Variants in SMG5 observed in about 807,000 individuals in gnomAD.
The protein encoded by SMG5 is SMG5 nonsense mediated mRNA decay factor, also known as nonsense-mediated mRNA decay factor SMG5.
Under a neutral mutation model 122.9 loss-of-function variants are expected in SMG5, and 53 were observed. That is an observed-to-expected ratio of 0.43 (90% CI 0.35 to 0.54). The LOEUF (loss-of-function observed/expected upper bound fraction) is 0.54. Ranked by LOEUF, SMG5 falls within the 20% of genes least tolerant of loss-of-function variation. The probability of loss-of-function intolerance (pLI) is 0.01; values close to 1 mark genes in which losing one functional copy is unlikely to be tolerated. For synonymous variants in SMG5, 477 were observed against 490.2 expected, an observed-to-expected ratio of 0.97 and a Z score of 0.35; for missense variants, 1,153 against 1,285.6, an observed-to-expected ratio of 0.90 and a Z score of 1.58.
Position 156,282,751 on chromosome 1 carries a change from C to T in SMG5, c.-71G>A. Reference sequence around the variant, plus strand: ...CCACCACTACCGCCAACACTGCCGTCTCCGGCCGTAGCCGCAGCCGCCGCC... The same window carrying T: ...CCACCACTACCGCCAACACTGCCGTTTCCGGCCGTAGCCGCAGCCGCCGCC... On this transcript the variant is annotated 5_prime_UTR_variant, in exon 1 of 22. Coordinates refer to ENST00000361813, the MANE Select transcript of SMG5 (RefSeq NM_015327.3). The T allele has an allele frequency of 1.4e-6, 2 of 1,480,580 alleles. No homozygotes were observed. Among genetic ancestry groups the T allele is most frequent in the Non-Finnish European group, 1.8e-6 (2 of 1,106,932 alleles). 91.7% of individuals were successfully genotyped at this position (1,480,580 alleles called of 1,614,324 possible).
the SMG5 span, chr1:156,291,349 C>A: frequency 1.2e-6 from 2 of 1,602,602 alleles, no homozygotes; most frequent in Non-Finnish European, 1.7e-6. Flanking sequence ...ACGCGCTTCC[C>A]TCGAGAGTAG....
Position 156,252,500 on chromosome 1 carries a change from G to A in SMG5, c.2667C>T (p.Ile889=), listed in dbSNP as rs1466829581. 7 of 1,613,946 alleles carry A rather than the reference G, an allele frequency of 4.3e-6. No individual in the cohort carries two copies. Among genetic ancestry groups the A allele is most frequent in the Non-Finnish European group, 5.9e-6 (7 of 1,179,982 alleles). Residue 889 remains isoleucine, a synonymous_variant, in exon 19 of 22, where the codon ATC becomes ATT. Transcript: ENST00000361813. ...CCTTCTTCAGCAAATCCAGGCCATCGATCACTGGTGGGCAAGGTAGGGAAA... is the reference window on the plus strand; with the variant it reads ...CCTTCTTCAGCAAATCCAGGCCATCAATCACTGGTGGGCAAGGTAGGGAAA... ...RFIVIIPRTV[I]DGLDLLKKEH...
rs1021760107 is a variant in SMG5, at chr1:156,282,776, C to T, written c.-96G>A. On this transcript the variant is annotated 5_prime_UTR_variant, in exon 1 of 22. Coordinates refer to ENST00000361813, the MANE Select transcript of SMG5 (RefSeq NM_015327.3). ...CTCCGGCCGTAGCCGCAGCCGCCGCCGCCACCGGCCCTGCTCGGCCGCCAT... is the reference window on the plus strand; with the variant it reads ...CTCCGGCCGTAGCCGCAGCCGCCGCTGCCACCGGCCCTGCTCGGCCGCCAT... 3.6e-5 allele frequency: 48 copies of T among 1,341,714 alleles called. No homozygotes were observed. The African/African-American group carries it at 6.5e-4, about 18-fold the overall frequency. 83.1% of individuals were successfully genotyped at this position (1,341,714 alleles called of 1,614,324 possible). A position where few individuals can be genotyped will look rare whatever the true frequency, so the allele number is the denominator to read the frequency against.
chr1:156,273,713 GTTTTCT>G (rs1377795286), intron 5 of SMG5, among the ~76,000 whole-genome samples: 2 of 126,716 alleles, frequency 1.6e-5, no homozygotes, highest in African/African-American at 5.6e-5. Context: ...TTTTTGTTTT[GTTTTCT>G]TTTTTTTTTT....
chr1:156,285,608 G>A (rs747262051), upstream of SMG5: 1 of 1,614,218 alleles, frequency 6.2e-7, no homozygotes, highest in Non-Finnish European at 8.5e-7. Context: ...AGCGGCCCGT[G>A]CCTTCGTGCC....
chr1:156,272,843 C>A (rs988744322), intron 6 of SMG5, among the ~76,000 whole-genome samples: 2 of 152,054 alleles, frequency 1.3e-5, no homozygotes, highest in African/African-American at 4.8e-5. Context: ...GGATTACAAA[C>A]GTTGAGCCAC....
chr1:156,288,032 G>A, the SMG5 span, among the ~76,000 whole-genome samples: 2 of 151,786 alleles, frequency 1.3e-5, no homozygotes, highest in South Asian at 4.2e-4. Flanking sequence ...GGCTAACACG[G>A]TGAAACCCCG....
upstream of SMG5, chr1:156,286,499 T>C (rs770369993): frequency 6.2e-6 from 10 of 1,608,966 alleles, no homozygotes; most frequent in Non-Finnish European, 8.5e-6. Flanking sequence ...GGGTGGGGCA[T>C]GGGAGAGGGG....
intron 20 of SMG5, 124 bp from the exon 21 acceptor site, chr1:156,251,120 G>A: frequency 3.0e-6 from 4 of 1,327,786 alleles, no homozygotes; most frequent in South Asian, 2.7e-5. Context: ...AGTGGGCCCT[G>A]GAAGCTGGCC....
upstream of SMG5, chr1:156,285,499 C>A: frequency 6.2e-7 from 1 of 1,614,176 alleles, no homozygotes; most frequent in Non-Finnish European, 8.5e-7. Flanking sequence ...TCCCGGATCC[C>A]CCTGGCTGGC....
rs544205232 is a variant in SMG5, at chr1:156,277,089, G to A, written c.450C>T (p.Leu150=). 6 of 1,613,324 alleles carry A rather than the reference G, an allele frequency of 3.7e-6. No individual in the cohort carries two copies. Among genetic ancestry groups the A allele is most frequent in the Admixed American group, 3.3e-5 (2 of 59,988 alleles). The change falls in exon 4 of 22, where the codon CTC becomes CTT. Residue 150 remains leucine (L), a synonymous_variant. Coordinates refer to ENST00000361813, the MANE Select transcript of SMG5 (RefSeq NM_015327.3). ...CACCTTTCAGGTTCCACTGACCTAT[G>A]AGGGGGTCAGTGACATGGGTCCAGT... ...CIDWTHVTDP[L]IGCKKPVSAS...
At chr1:156,256,982 A>T (rs555605357) in intron 16 of SMG5, among the ~76,000 whole-genome samples, 3 of 145,758 alleles carry the variant, frequency 2.1e-5, no homozygotes, top group Non-Finnish European at 3.0e-5. Context: ...GCTGGAGTGC[A>T]GTGGCACGAT....
At chr1:156,258,795 TAA>T (rs543913594) in intron 16 of SMG5, among the ~76,000 whole-genome samples, 4 of 134,704 alleles carry the variant, frequency 3.0e-5, no homozygotes. Flanking sequence ...CTCCATCTCA[TAA>T]AAAAAAAAAA....
chr1:156,249,335 G>C lies in SMG5; in HGVS notation c.*1252C>G, dbSNP rs1199212761. The C allele has an allele frequency of 9.6e-6, 2 of 208,584 alleles. No individual in the cohort carries two copies. Among genetic ancestry groups the C allele is most frequent in the Non-Finnish European group, 2.0e-5 (2 of 101,476 alleles). 12.9% of individuals were successfully genotyped at this position (208,584 alleles called of 1,614,324 possible). A position where few individuals can be genotyped will look rare whatever the true frequency, so the allele number is the denominator to read the frequency against. ...TTCCCAGACTTGCTATTTTAGAGGA[G>C]AGAGGCAGGAAGCCAACTATCCTCT... is the stretch of plus-strand genomic sequence containing the variant. On this transcript the variant is annotated 3_prime_UTR_variant, in exon 22 of 22. Coordinates refer to ENST00000361813, the MANE Select transcript of SMG5 (RefSeq NM_015327.3).
At position 156,277,166 on chromosome 1, in the gene SMG5, G is replaced by A. The variant is rs1355196535; in HGVS notation, c.373C>T (p.Leu125Phe). 3 of 1,614,044 alleles carry A rather than the reference G, an allele frequency of 1.9e-6. No individual in the cohort carries two copies. Among genetic ancestry groups the A allele is most frequent in the Admixed American group, 3.3e-5 (2 of 60,020 alleles). Residue 125 changes from leucine to phenylalanine, a missense_variant, in exon 4 of 22, where the codon CTC becomes TTC. Physicochemically the swap from Leu to Phe is conservative, Grantham distance 22. Coordinates refer to ENST00000361813, the MANE Select transcript of SMG5 (RefSeq NM_015327.3). ...TAGTGGGACTGGATATAGAGAAGGA[G>A]ATGCTGGTAGAAGCCAATACCAGCA... Reference protein sequence around the residue: ...LVAGIGFYQHLLLYIQSHYQL... With the variant: ...LVAGIGFYQHFLLYIQSHYQL...
Position 156,252,457 on chromosome 1 carries a change from C to G in SMG5, c.2710G>C (p.Asp904His). Residue 904 changes from aspartate to histidine, a missense_variant, in exon 19 of 22, where the codon GAT becomes CAT. Coordinates refer to ENST00000361813, the MANE Select transcript of SMG5 (RefSeq NM_015327.3). ...TCTGCCTCCAGGTACCGAATCCCAT[C>G]CCGGGCCCCTGGGTGTTCCTTCTTC... ...LLKKEHPGAR[D>H]GIRYLEAEFK... 1 of 1,613,996 alleles carries G rather than the reference C, an allele frequency of 6.2e-7. No individual in the cohort carries two copies. Among genetic ancestry groups the G allele is most frequent in the Non-Finnish European group, 8.5e-7 (1 of 1,180,008 alleles).
At chr1:156,252,660 C>T in intron 18 of SMG5, 156 bp from the exon 19 acceptor site, 1 of 790,276 alleles carries the variant, frequency 1.3e-6, no homozygotes, top group Non-Finnish European at 2.0e-6. Flanking sequence ...GAAAACATGA[C>T]CTTCTGCCAG....
the SMG5 span, chr1:156,291,277 C>T: frequency 2.1e-6 from 2 of 949,428 alleles, no homozygotes; most frequent in Non-Finnish European, 3.3e-6. Flanking sequence ...CAGCCATACC[C>T]ACCAACTGCA....
At chr1:156,277,382 C>T in intron 3 of SMG5, 141 bp from the exon 4 acceptor site, 15 of 939,642 alleles carry the variant, frequency 1.6e-5, no homozygotes, top group Non-Finnish European at 2.3e-5. Flanking sequence ...ATACTCTTAG[C>T]TCTAACTCTC....
Sources: allele counts gnomAD v4.1 joint callset (sites outside exome capture counted in the v4.1 genomes callset), GRCh38; gene constraint gnomAD v4.1.1; transcripts MANE v1.5; gene names NCBI Gene and HGNC (gene_info 2026-07-23, HGNC 2026-07-21).